XKR7: variants seen among roughly 807,000 people sequenced by gnomAD.
The protein encoded by XKR7 is XK-related protein 7.
XKR7 carries 11 observed loss-of-function variants against 42.2 expected under a neutral mutation model. The observed-to-expected ratio is 0.26, with a 90% CI of 0.16 to 0.43. XKR7 has a LOEUF of 0.43. XKR7 is among the 20% of genes least tolerant of loss of function. XKR7 has a pLI of 1.00. For synonymous variants in XKR7, 346 were observed against 366.4 expected (o/e 0.94, Z 0.64); for missense variants, 710 against 802.2 (o/e 0.89, Z 1.39).
At chr20:31,987,690 C>G (rs2064549286) in intron 1 of XKR7, among the ~76,000 whole-genome samples, 1 of 152,176 alleles carries the variant, frequency 6.6e-6, no homozygotes, top group Non-Finnish European at 1.5e-5. Flanking sequence ...AGACAGATCA[C>G]CAAGTGGACC....
At position 31,968,436 on chromosome 20, in the gene XKR7, C is replaced by T. The variant is rs2064446173; in HGVS notation, c.261C>T (p.His87=). The T allele has an allele frequency of 2.5e-6, 4 of 1,614,008 alleles. No individual in the cohort carries two copies. The highest frequency in any genetic ancestry group is 1.1e-5 in the South Asian group (1 of 91,084). The stretch of plus-strand genomic sequence containing the variant: ...CCTCCTACTACCTGCAGAATCAACA[C>T]ACCTACTTCAGCCTCACCTTGCTGT... The part of the protein sequence containing the change: ...LAASYYLQNQ[H]TYFSLTLLFV... The change falls in exon 1 of 3, where the codon CAC becomes CAT. Residue 87 remains histidine, a synonymous_variant. Coordinates refer to ENST00000562532, the MANE Select transcript of XKR7 (RefSeq NM_001011718.2). This position sits in a 1 kb window ranked among gnomAD's most constrained non-coding sequence, Gnocchi z 4.5.
At position 31,968,517 on chromosome 20, in the gene XKR7, C is replaced by T. The variant is rs371483664; in HGVS notation, c.342C>T (p.Tyr114=). Residue 114 remains tyrosine (Y), a synonymous_variant, in exon 1 of 3, where the codon TAC becomes TAT. Transcript: ENST00000562532. This position sits in a 1 kb window ranked among gnomAD's most constrained non-coding sequence, Gnocchi z 4.5. ...VQLLSFRWFV[Y]DYSEPAGSPG... ...TACTGAGCTTCCGCTGGTTCGTCTACGACTACTCGGAGCCCGCAGGGTCCC... is the reference window on the plus strand; with the variant it reads ...TACTGAGCTTCCGCTGGTTCGTCTATGACTACTCGGAGCCCGCAGGGTCCC... 6.2e-7 allele frequency: 1 copy of T among 1,611,486 alleles called. No individual in the cohort carries two copies. Among genetic ancestry groups the T allele is most frequent in the Non-Finnish European group, 8.5e-7 (1 of 1,178,940 alleles).
intron 2 of XKR7, 142 bp from the exon 3 acceptor site, chr20:31,996,363 C>T: frequency 1.6e-6 from 1 of 608,430 alleles, no homozygotes; most frequent in Non-Finnish European, 2.7e-6. Context: ...CAGACCTTCC[C>T]CACACCCCTG....
rs747684586 is a variant in XKR7, at chr20:31,995,019, G to A, written c.585-49G>A. 4 of 1,537,790 alleles carry A rather than the reference G, an allele frequency of 2.6e-6. No homozygotes were observed. Among genetic ancestry groups the A allele is most frequent in the Non-Finnish European group, 3.5e-6 (4 of 1,145,094 alleles). On this transcript the variant is annotated intron_variant, in intron 1 of 2. Transcript: ENST00000562532. The surrounding 1 kb of genome is among the most constrained non-coding windows in gnomAD (Gnocchi z 4.1). ...GGCGGCTCGGGGCTGGTGCGACAGA[G>A]CGAGAGGAACCAGCGCGCGGGAGCC...
rs2064586588 is a variant in XKR7 at position 31,995,318 on chromosome 20, C to T, written c.787+48C>T. 1.3e-6 allele frequency: 2 copies of T among 1,531,036 alleles called. No individual in the cohort carries two copies. The highest frequency in any genetic ancestry group is 1.2e-5 in the South Asian group (1 of 83,620). 94.8% of individuals were successfully genotyped at this position (1,531,036 alleles called of 1,614,324 possible). ...TGCGCCTGGGACCACCCCACCGGGCCTTTCTCCCTGCTTCAGGCTCCCTGG... is the reference window on the plus strand; with the variant it reads ...TGCGCCTGGGACCACCCCACCGGGCTTTTCTCCCTGCTTCAGGCTCCCTGG... On this transcript the variant is annotated intron_variant, in intron 2 of 2. Transcript: ENST00000562532. This position sits in a 1 kb window ranked among gnomAD's most constrained non-coding sequence, Gnocchi z 4.1.
At chr20:31,970,919 G>C (rs575318694) in intron 1 of XKR7, 10 of 152,316 alleles carry the variant, frequency 6.6e-5, no homozygotes, top group African/African-American at 2.2e-4. Flanking sequence ...CTTGACAGAT[G>C]AGGGAATGGA....
At chr20:31,978,649 T>C (rs982031367) in intron 1 of XKR7, among the ~76,000 whole-genome samples, 1 of 152,378 alleles carries the variant, frequency 6.6e-6, no homozygotes, top group African/African-American at 2.4e-5. Flanking sequence ...CCGGTATGAC[T>C]GAGGAACTAA....
intron 1 of XKR7, among the ~76,000 whole-genome samples, chr20:31,980,663 C>T (rs1479802342): frequency 6.6e-6 from 1 of 152,196 alleles, no homozygotes; most frequent in Non-Finnish European, 1.5e-5. Flanking sequence ...TGCCCTCCTG[C>T]AATCTGTTCC....
chr20:31,983,545 G>A (rs1367440526), intron 1 of XKR7, among the ~76,000 whole-genome samples: 1 of 152,200 alleles, frequency 6.6e-6, no homozygotes, highest in Non-Finnish European at 1.5e-5. Context: ...TGTTCAGGAA[G>A]CAGGAGCTGG....
intron 1 of XKR7, among the ~76,000 whole-genome samples, chr20:31,977,486 T>C (rs1309477765): frequency 6.6e-6 from 1 of 152,152 alleles, no homozygotes; most frequent in Non-Finnish European, 1.5e-5. Flanking sequence ...ATCTGTGAAA[T>C]GGGGATAGTG....
intron 1 of XKR7, among the ~76,000 whole-genome samples, chr20:31,978,693 T>A (rs1213081524): frequency 1.3e-5 from 2 of 152,270 alleles, no homozygotes; most frequent in Non-Finnish European, 2.9e-5. Context: ...TATTTACTTG[T>A]AATTAATCAA....
intron 1 of XKR7, among the ~76,000 whole-genome samples, chr20:31,985,795 C>CAGAT (rs1224675774): frequency 1.4e-5 from 2 of 145,338 alleles, no homozygotes; most frequent in Non-Finnish European, 3.0e-5. Flanking sequence ...GACAGACAGA[C>CAGAT]AGACAGACAG....
chr20:31,982,087 T>A (rs952039596), intron 1 of XKR7, among the ~76,000 whole-genome samples: 2 of 152,224 alleles, frequency 1.3e-5, no homozygotes, highest in African/African-American at 4.8e-5. Flanking sequence ...ACATGCTTGT[T>A]GTTACATGTT....
chr20:31,976,459 A>G (rs2122253758), intron 1 of XKR7, among the ~76,000 whole-genome samples: 1 of 152,060 alleles, frequency 6.6e-6, no homozygotes, highest in African/African-American at 2.4e-5. Flanking sequence ...ATCTCGGCTC[A>G]CTGCAACCTC....
Position 31,997,865 on chromosome 20 carries a change from G to A in XKR7, c.*408G>A, listed in dbSNP as rs1306297956. On this transcript the variant is annotated 3_prime_UTR_variant, in exon 3 of 3. Transcript: ENST00000562532. Reference sequence around the variant, plus strand: ...GCTCCTCAGGGGTTGTGGAGAGTGGGCTGCCTCTATGGTGGGAAAAGATCT... The same window carrying A: ...GCTCCTCAGGGGTTGTGGAGAGTGGACTGCCTCTATGGTGGGAAAAGATCT... 2 of 187,196 alleles carry A rather than the reference G, an allele frequency of 1.1e-5. No individual in the cohort carries two copies. The highest frequency in any genetic ancestry group is 5.3e-5 in the Admixed American group (1 of 18,920). 11.6% of individuals were successfully genotyped at this position (187,196 alleles called of 1,614,324 possible). A position where few individuals can be genotyped will look rare whatever the true frequency, so the allele number is the denominator to read the frequency against.
At chr20:31,981,651 C>T (rs112671224) in intron 1 of XKR7, among the ~76,000 whole-genome samples, 8,136 of 152,276 alleles carry the variant, frequency 0.053, 291 homozygotes, top group Admixed American at 0.099. Flanking sequence ...GAAATCGTGC[C>T]ACTGCACTGC....
At chr20:31,987,922 G>A (rs1175038337) in intron 1 of XKR7, among the ~76,000 whole-genome samples, 1 of 152,214 alleles carries the variant, frequency 6.6e-6, no homozygotes, top group Non-Finnish European at 1.5e-5. Context: ...CAGGGACTGA[G>A]CCAGGATTCC....
At chr20:31,975,090 A>G (rs1427196316) in intron 1 of XKR7, among the ~76,000 whole-genome samples, 1 of 152,078 alleles carries the variant, frequency 6.6e-6, no homozygotes, top group African/African-American at 2.4e-5. Flanking sequence ...CTTTGAACCC[A>G]GCATCTGGGG....
intron 1 of XKR7, among the ~76,000 whole-genome samples, chr20:31,969,119 C>T (rs1219352522): frequency 6.6e-6 from 1 of 152,220 alleles, no homozygotes; most frequent in African/African-American, 2.4e-5. Context: ...CCATAACCCA[C>T]TCCTCTCTGC....
Sources: gnomAD v4.1 joint callset for allele counts (sites outside exome capture counted in the v4.1 genomes callset) on GRCh38, gnomAD v4.1.1 for gene constraint, Gnocchi (gnomAD v3.1) non-coding constraint, MANE v1.5 for transcripts, NCBI Gene and HGNC (gene_info 2026-07-23, HGNC 2026-07-21) for gene names.